Variants in DSCAM observed in about 807,000 individuals in gnomAD.
DSCAM encodes cell adhesion molecule DSCAM.
In DSCAM, 47 loss-of-function variants were observed where a neutral mutation model predicts 217.7. The observed-to-expected ratio is 0.22, with a 90% confidence interval of 0.17 to 0.28. The LOEUF (loss-of-function observed/expected upper bound fraction) is 0.28. Among genes scored for constraint, DSCAM ranks in the 10% least tolerant of loss-of-function variants. The probability of loss-of-function intolerance (pLI) is 1.00; values close to 1 mark genes in which losing one functional copy is unlikely to be tolerated. For missense variants in DSCAM, 2,080 were observed against 2,618.3 expected, an observed-to-expected ratio of 0.79 and a Z score of 4.49; for synonymous variants, 1,056 against 1,015.3, an observed-to-expected ratio of 1.04 and a Z score of -0.76.
At chr21:40,408,169 AT>A (rs2123789818) in intron 3 of DSCAM, among the ~76,000 whole-genome samples, 1 of 152,222 alleles carries the variant, frequency 6.6e-6, no homozygotes, top group East Asian at 1.9e-4. Context: ...AAAACAAAGA[AT>A]ATATTAAATA....
intron 3 of DSCAM, among the ~76,000 whole-genome samples, chr21:40,501,459 A>G (rs2076169671): frequency 6.6e-6 from 1 of 152,100 alleles, no homozygotes; most frequent in Non-Finnish European, 1.5e-5. Flanking sequence ...TTTAAAAATT[A>G]TGCTCCCTAC....
chr21:40,137,594 TACACACACACACAC>T (rs3988428), intron 18 of DSCAM, among the ~76,000 whole-genome samples: 10 of 134,930 alleles, frequency 7.4e-5, no homozygotes, highest in African/African-American at 1.8e-4. Context: ...GGCTGTTTAA[TACACACACACACAC>T]ACACACACAC....
chr21:40,228,027 A>C (rs1409387891), intron 11 of DSCAM, among the ~76,000 whole-genome samples: 3 of 152,186 alleles, frequency 2.0e-5, no homozygotes, highest in African/African-American at 4.8e-5. Context: ...AATGCTGGTC[A>C]GGAATTATGT....
intron 1 of DSCAM, among the ~76,000 whole-genome samples, chr21:40,721,657 A>T (rs2090902146): frequency 6.6e-6 from 1 of 152,330 alleles, no homozygotes; most frequent in African/African-American, 2.4e-5. Context: ...GCTTAAAAAC[A>T]GTAAACACAA....
At chr21:40,552,462 T>C (rs13050543) in intron 3 of DSCAM, among the ~76,000 whole-genome samples, 8,632 of 152,314 alleles carry the variant, frequency 0.057, 329 homozygotes, top group East Asian at 0.11. Context: ...AGTCTAGAAA[T>C]AGGGGTTTAC....
chr21:40,501,859 G>C (rs1568857363), intron 3 of DSCAM, among the ~76,000 whole-genome samples: 1 of 152,238 alleles, frequency 6.6e-6, no homozygotes, highest in African/African-American at 2.4e-5. Context: ...CTCCCAAAGT[G>C]CTGGGATTAT....
chr21:40,268,934 T>C (rs1429536772), intron 11 of DSCAM, among the ~76,000 whole-genome samples: 3 of 152,072 alleles, frequency 2.0e-5, no homozygotes, highest in African/African-American at 7.2e-5. Context: ...AGTGCTGCCA[T>C]CCACCTTCAG....
chr21:40,423,484 A>G (rs1986012766), intron 3 of DSCAM, among the ~76,000 whole-genome samples: 1 of 152,198 alleles, frequency 6.6e-6, no homozygotes, highest in African/African-American at 2.4e-5. Context: ...AGTCATGGGA[A>G]AGGGGTGCAA....
At chr21:40,224,581 T>C (rs2091315189) in intron 11 of DSCAM, among the ~76,000 whole-genome samples, 1 of 152,156 alleles carries the variant, frequency 6.6e-6, no homozygotes, top group African/African-American at 2.4e-5. Flanking sequence ...TACACTAAAA[T>C]TATCAATAAC....
At chr21:40,696,196 A>C (rs1372074819) in intron 2 of DSCAM, among the ~76,000 whole-genome samples, 3 of 152,098 alleles carry the variant, frequency 2.0e-5, no homozygotes, top group Non-Finnish European at 4.4e-5. Context: ...GAGAGCCCAG[A>C]TCTTCTCAAA....
intron 3 of DSCAM, among the ~76,000 whole-genome samples, chr21:40,620,003 GAGAGAAAAAAGAAAAAGAAAGAA>G (rs1568941722): frequency 9.6e-6 from 1 of 103,814 alleles, no homozygotes; most frequent in Non-Finnish European, 2.0e-5. Context: ...GAGAGAAAGA[GAGAGAAAAAAGAAAAAGAAAGAA>G]AGAGAGAGAG....
intron 3 of DSCAM, among the ~76,000 whole-genome samples, chr21:40,596,361 C>T (rs1244125377): frequency 1.3e-5 from 2 of 152,158 alleles, no homozygotes; most frequent in Non-Finnish European, 2.9e-5. Context: ...CATATTAGAG[C>T]CCATATTCTG....
rs980680342 is a variant in DSCAM at position 40,012,424 on chromosome 21, A to G, written c.*610T>C. On this transcript the variant is annotated 3_prime_UTR_variant, in exon 33 of 33. Coordinates refer to ENST00000400454, the MANE Select transcript of DSCAM (RefSeq NM_001389.5). Reference sequence around the variant, plus strand: ...AGCAGACATGGAAATAAAGGCAGACAACCTTTTCTTTTTTATTTCGCTTAG... The same window carrying G: ...AGCAGACATGGAAATAAAGGCAGACGACCTTTTCTTTTTTATTTCGCTTAG... The G allele has an allele frequency of 6.6e-6, 1 of 152,238 alleles. No individual in the cohort carries two copies. The highest frequency in any genetic ancestry group is 6.5e-5 in the Admixed American group (1 of 15,286). The allele number at this position is 152,238 out of a possible 1,614,324, so 9.4% of individuals were successfully genotyped here.
chr21:40,437,833 A>G (rs1320198144), intron 3 of DSCAM, among the ~76,000 whole-genome samples: 1 of 152,208 alleles, frequency 6.6e-6, no homozygotes, highest in Non-Finnish European at 1.5e-5. Context: ...CTGGGCAAAA[A>G]GAGTGAAACT....
chr21:40,594,243 A>G (rs796930907), intron 3 of DSCAM, among the ~76,000 whole-genome samples: 8 of 152,346 alleles, frequency 5.3e-5, no homozygotes, highest in African/African-American at 1.9e-4. Flanking sequence ...TGGAACAATA[A>G]TACACTGTGC....
intron 4 of DSCAM, 61 bp downstream of exon 4, chr21:40,369,038 G>C: frequency 1.4e-6 from 2 of 1,448,228 alleles, no homozygotes; most frequent in Admixed American, 4.9e-5. Context: ...TGATTGAGTC[G>C]TCTCAGGACA....
intron 10 of DSCAM, among the ~76,000 whole-genome samples, chr21:40,280,182 T>C (rs1275421120): frequency 6.1e-5 from 1 of 16,270 alleles, no homozygotes; most frequent in East Asian, 1.1e-3. Flanking sequence ...TTTTGGTGCC[T>C]TTTTTTTTTT....
At chr21:40,404,921 T>C (rs73359129) in intron 3 of DSCAM, among the ~76,000 whole-genome samples, 8,429 of 152,294 alleles carry the variant, frequency 0.055, 466 homozygotes, top group Admixed American at 0.17. Context: ...ACCTAGGCAA[T>C]AGATTCTAGG....
At chr21:40,059,764 T>C (rs2089085253) in intron 28 of DSCAM, among the ~76,000 whole-genome samples, 2 of 152,244 alleles carry the variant, frequency 1.3e-5, no homozygotes, top group South Asian at 4.1e-4. Flanking sequence ...AAAACCAGCT[T>C]ATGGCCACAT....
Sources: gnomAD v4.1 joint callset for allele counts (sites outside exome capture counted in the v4.1 genomes callset) on GRCh38, gnomAD v4.1.1 for gene constraint, MANE v1.5 for transcripts, NCBI Gene and HGNC (gene_info 2026-07-23, HGNC 2026-07-21) for gene names.